Variants in AFAP1L2 observed in about 807,000 individuals in gnomAD.
AFAP1L2 encodes actin filament associated protein 1 like 2.
A neutral mutation model predicts 99.3 loss-of-function variants in AFAP1L2; 46 were observed. The ratio of observed to expected loss-of-function variants is 0.46; its 90% CI spans 0.37 to 0.59. The LOEUF (loss-of-function observed/expected upper bound fraction) is 0.59, where lower values mean the gene tolerates loss of function less well. AFAP1L2 is among the 20% of genes least tolerant of loss of function. AFAP1L2 has a pLI of 0.00. For synonymous variants in AFAP1L2, 397 were observed against 419.1 expected (o/e 0.95, Z 0.64); for missense variants, 959 against 1,034.9 (o/e 0.93, Z 1.01).
downstream of AFAP1L2, chr10:114,290,036 A>T: frequency 3.8e-6 from 2 of 519,546 alleles, no homozygotes; most frequent in Non-Finnish European, 6.6e-6. Context: ...GGCACGTCTG[A>T]GCAATGGACT....
chr10:114,333,092 C>T, intron 3 of AFAP1L2, 129 bp downstream of exon 3: 2 of 855,828 alleles, frequency 2.3e-6, no homozygotes, highest in South Asian at 1.7e-5. Flanking sequence ...ATGTGGCTTC[C>T]AAAAATAACT....
chr10:114,294,321 T>G (rs547555963), downstream of AFAP1L2, among the ~76,000 whole-genome samples: 2 of 152,350 alleles, frequency 1.3e-5, no homozygotes, highest in East Asian at 3.9e-4. Flanking sequence ...ACTTTTACAC[T>G]GATATATTCA....
chr10:114,299,505 G>A (rs1369886344), intron 15 of AFAP1L2, 90 bp from the exon 16 acceptor site: 1 of 1,526,072 alleles, frequency 6.6e-7, no homozygotes, highest in African/African-American at 1.4e-5. Context: ...ATAGAACCTG[G>A]GGCTTTGGCA....
intron 6 of AFAP1L2, among the ~76,000 whole-genome samples, chr10:114,314,446 G>A (rs142613411): frequency 4.1e-4 from 63 of 152,306 alleles, no homozygotes; most frequent in African/African-American, 1.5e-3. Context: ...GGCTTCTGGA[G>A]TAAAGGATCC....
intron 4 of AFAP1L2, among the ~76,000 whole-genome samples, chr10:114,326,591 G>GT (rs908628974): frequency 6.6e-6 from 1 of 152,094 alleles, no homozygotes; most frequent in African/African-American, 2.4e-5. Flanking sequence ...TTTTGTCTCC[G>GT]TTTTTTGCCT....
At chr10:114,324,434 C>G (rs1343493234) in intron 4 of AFAP1L2, among the ~76,000 whole-genome samples, 1 of 135,126 alleles carries the variant, frequency 7.4e-6, no homozygotes, top group Non-Finnish European at 1.5e-5. Flanking sequence ...GTATTTTTAG[C>G]AGAGATGGGG....
chr10:114,344,438 CAAA>C (rs200959883), intron 1 of AFAP1L2, among the ~76,000 whole-genome samples: 1 of 151,070 alleles, frequency 6.6e-6, no homozygotes, highest in Non-Finnish European at 1.5e-5. Context: ...GCTGCCACTT[CAAA>C]AAAAAACCCA....
chr10:114,331,352 C>T (rs566584189), intron 4 of AFAP1L2, among the ~76,000 whole-genome samples: 2 of 152,256 alleles, frequency 1.3e-5, no homozygotes, highest in African/African-American at 2.4e-5. Context: ...TGGCTATTCA[C>T]AAGTGTGATC....
intron 1 of AFAP1L2, among the ~76,000 whole-genome samples, chr10:114,398,071 C>G (rs2057896726): frequency 6.6e-6 from 1 of 152,190 alleles, no homozygotes; most frequent in Non-Finnish European, 1.5e-5. Context: ...CAGGGGGAGG[C>G]AGGCTCCTCC....
chr10:114,287,203 C>A, the AFAP1L2 span, among the ~76,000 whole-genome samples: 1 of 152,136 alleles, frequency 6.6e-6, no homozygotes, highest in Non-Finnish European at 1.5e-5. Flanking sequence ...TCTTTTGAGA[C>A]AGGGTCTTGC....
At chr10:114,285,872 T>C in the AFAP1L2 span, 6 of 1,459,368 alleles carry the variant, frequency 4.1e-6, no homozygotes, top group African/African-American at 8.4e-5. Flanking sequence ...GTTCGGCATC[T>C]CGGGTGGGAC....
At chr10:114,358,368 G>A (rs978266593) in intron 1 of AFAP1L2, among the ~76,000 whole-genome samples, 2 of 152,032 alleles carry the variant, frequency 1.3e-5, no homozygotes, top group African/African-American at 4.8e-5. Flanking sequence ...GATGACAAAG[G>A]ATATCTCACT....
chr10:114,365,948 C>T (rs192037444), intron 1 of AFAP1L2, among the ~76,000 whole-genome samples: 1 of 152,028 alleles, frequency 6.6e-6, no homozygotes, highest in Admixed American at 6.5e-5. Context: ...ATTGCCCAGG[C>T]TAGTCTCAAA....
intron 1 of AFAP1L2, among the ~76,000 whole-genome samples, chr10:114,384,278 C>T (rs977197563): frequency 4.6e-5 from 7 of 152,130 alleles, no homozygotes; most frequent in African/African-American, 1.2e-4. Flanking sequence ...ACCCTCCCCA[C>T]GGCTGCTTGG....
At chr10:114,387,062 A>G (rs2056593561) in intron 1 of AFAP1L2, among the ~76,000 whole-genome samples, 1 of 152,164 alleles carries the variant, frequency 6.6e-6, no homozygotes, top group Non-Finnish European at 1.5e-5. Context: ...CTGGGTCTCC[A>G]TGGCCAGGGG....
intron 1 of AFAP1L2, among the ~76,000 whole-genome samples, chr10:114,369,508 T>C (rs1310868816): frequency 7.0e-6 from 1 of 142,064 alleles, no homozygotes; most frequent in Admixed American, 7.7e-5. Flanking sequence ...GGCAGGAGAA[T>C]GGCGTGAACC....
At chr10:114,347,648 C>A (rs574518361) in intron 1 of AFAP1L2, among the ~76,000 whole-genome samples, 2 of 152,068 alleles carry the variant, frequency 1.3e-5, no homozygotes, top group South Asian at 4.2e-4. Flanking sequence ...GTAGCTGGGA[C>A]TATAGGCATG....
intron 16 of AFAP1L2, 137 bp from the exon 17 acceptor site, chr10:114,297,550 AG>A (rs1164384633): frequency 5.3e-6 from 5 of 942,460 alleles, no homozygotes; most frequent in Non-Finnish European, 7.8e-6. Context: ...CAGAGCCAGG[AG>A]GGGCCTGTAT....
the AFAP1L2 span, among the ~76,000 whole-genome samples, chr10:114,286,721 T>C: frequency 1.3e-5 from 2 of 152,202 alleles, no homozygotes; most frequent in African/African-American, 4.8e-5. Flanking sequence ...AGATCTTTAG[T>C]GAGAATTAGG....
Sources: allele counts gnomAD v4.1 joint callset (sites outside exome capture counted in the v4.1 genomes callset), GRCh38; gene constraint gnomAD v4.1.1; transcripts MANE v1.5; gene names NCBI Gene and HGNC (gene_info 2026-07-23, HGNC 2026-07-21).